WDR41: variants seen among roughly 807,000 people sequenced by gnomAD.
The protein encoded by WDR41 is WD repeat domain 41.
In WDR41, 63 loss-of-function variants were observed where a neutral mutation model predicts 69.3. The ratio of observed to expected loss-of-function variants is 0.91; its 90% CI spans 0.74 to 1.12. The LOEUF (loss-of-function observed/expected upper bound fraction) is 1.12. Ranked by LOEUF, WDR41 falls within the 50% of genes most tolerant of loss-of-function variation. WDR41 has a pLI of 0.00. For missense variants in WDR41, 543 were observed against 534.5 expected, an observed-to-expected ratio of 1.02 and a Z score of -0.16; for synonymous variants, 185 against 192.1, an observed-to-expected ratio of 0.96 and a Z score of 0.31.
chr5:77,503,463 T>A (rs1331711183), intron 1 of WDR41, among the ~76,000 whole-genome samples: 1 of 152,164 alleles, frequency 6.6e-6, no homozygotes, highest in Non-Finnish European at 1.5e-5. Flanking sequence ...ATTAGACAGA[T>A]CAACAAGACA....
At position 77,447,344 on chromosome 5, in the gene WDR41, G is replaced by C. The variant is rs979837916; in HGVS notation, c.697+2416C>G. On this transcript the variant is annotated intron_variant, in intron 8 of 12. Transcript: ENST00000296679. Reference sequence around the variant, plus strand: ...AGTGTAAATTAGTTCAACCATTGTGGAAGACAGTATGGCGATTCCTCAAGG... The same window carrying C: ...AGTGTAAATTAGTTCAACCATTGTGCAAGACAGTATGGCGATTCCTCAAGG... Among the ~76,000 whole-genome samples, 7 of 152,254 alleles carry C rather than the reference G, an allele frequency of 4.6e-5. No individual in the cohort carries two copies. In the East Asian group the frequency reaches 1.4e-3, roughly 29 times the overall value.
intron 1 of WDR41, among the ~76,000 whole-genome samples, chr5:77,566,819 G>A (rs536690794): frequency 6.6e-6 from 1 of 152,260 alleles, no homozygotes; most frequent in South Asian, 2.1e-4. Context: ...ATCAAAGTCT[G>A]TGCACATGTC....
intron 1 of WDR41, among the ~76,000 whole-genome samples, chr5:77,539,419 A>G (rs773080279): frequency 3.9e-5 from 6 of 152,166 alleles, no homozygotes; most frequent in Non-Finnish European, 7.3e-5. Flanking sequence ...GATCTTGTTA[A>G]AATGTATATT....
intron 10 of WDR41, 101 bp from the exon 11 acceptor site, chr5:77,437,525 T>C: frequency 9.8e-7 from 1 of 1,019,540 alleles, no homozygotes; most frequent in Non-Finnish European, 1.5e-6. Flanking sequence ...ACTGCTTTTA[T>C]TCAGCTCTTA....
At chr5:77,614,550 A>G (rs963998709) in intron 1 of WDR41, among the ~76,000 whole-genome samples, 2 of 151,112 alleles carry the variant, frequency 1.3e-5, no homozygotes, top group African/African-American at 4.9e-5. Context: ...GCAAGGACGA[A>G]AAACCAAACA....
At chr5:77,505,137 A>G (rs1424587212) in intron 1 of WDR41, among the ~76,000 whole-genome samples, 2 of 152,124 alleles carry the variant, frequency 1.3e-5, no homozygotes, top group South Asian at 2.1e-4. Flanking sequence ...CATCGTCTCC[A>G]CCCAAAATCT....
In WDR41 at chr5:77,452,295, G is replaced by A. The variant is rs958015879; in HGVS notation, c.524-942C>T. ...AGGCAGAGGACATGGGAGAACAGCAGGGTGGATAGCAAGAGAAGAATTCTA... is the reference window on the plus strand; with the variant it reads ...AGGCAGAGGACATGGGAGAACAGCAAGGTGGATAGCAAGAGAAGAATTCTA... On this transcript the variant is annotated intron_variant, in intron 6 of 12. Coordinates refer to ENST00000296679, the MANE Select transcript of WDR41 (RefSeq NM_018268.4). 4 of 152,374 alleles carry A rather than the reference G, an allele frequency of 2.6e-5. No homozygotes were observed. The East Asian group carries it at 7.7e-4, about 29-fold the overall frequency. 9.4% of individuals were successfully genotyped at this position (152,374 alleles called of 1,614,324 possible).
At chr5:77,599,023 T>C (rs1744277196) in intron 1 of WDR41, among the ~76,000 whole-genome samples, 2 of 152,014 alleles carry the variant, frequency 1.3e-5, no homozygotes, top group Admixed American at 6.6e-5. Flanking sequence ...ATTAGAAATA[T>C]TAGGAATAGC....
intron 5 of WDR41, among the ~76,000 whole-genome samples, chr5:77,455,315 A>G (rs1799782983): frequency 6.6e-6 from 1 of 152,052 alleles, no homozygotes; most frequent in Non-Finnish European, 1.5e-5. Flanking sequence ...AATCTTGTCT[A>G]TTTTTAATTG....
chr5:77,503,190 C>CAA (rs144057313), intron 1 of WDR41, among the ~76,000 whole-genome samples: 4,451 of 74,268 alleles, frequency 0.06, 492 homozygotes, highest in African/African-American at 0.21. Flanking sequence ...AAATGGAAAG[C>CAA]AAAAAAAAAA....
At chr5:77,519,503 T>C (rs937715995) in intron 1 of WDR41, among the ~76,000 whole-genome samples, 8 of 152,016 alleles carry the variant, frequency 5.3e-5, no homozygotes, top group African/African-American at 1.7e-4. Flanking sequence ...AAATTATCTT[T>C]AACAAAATAT....
At chr5:77,557,346 G>C (rs1477608590) in intron 1 of WDR41, among the ~76,000 whole-genome samples, 1 of 152,054 alleles carries the variant, frequency 6.6e-6, no homozygotes, top group South Asian at 2.1e-4. Context: ...CCCTAAAAAT[G>C]AGCCCCCAAA....
At chr5:77,544,198 T>C (rs1743147349) in intron 1 of WDR41, among the ~76,000 whole-genome samples, 1 of 151,960 alleles carries the variant, frequency 6.6e-6, no homozygotes, top group African/African-American at 2.4e-5. Context: ...AGAACTTCTT[T>C]AAAGCATAAA....
In WDR41 at chr5:77,512,331, T is replaced by TGAGAGAGAGAGAGAGAGAGAGA. The variant is rs764631325; in HGVS notation, c.43-22760_43-22759insTCTCTCTCTCTCTCTCTCTCTC. ...ATGGTCTGTAATTACATGGGGTGAGTGAGAGAGAGAGAGAGAGAGAGTGAG... is the reference window on the plus strand; with the variant it reads ...ATGGTCTGTAATTACATGGGGTGAGTGAGAGAGAGAGAGAGAGAGAGAGAGAGAGAGAGAGAGAGAGAGTGAG... On this transcript the variant is annotated intron_variant, in intron 1 of 5. Transcript: ENST00000509971. Among the ~76,000 whole-genome samples, 60 of 87,822 alleles carry TGAGAGAGAGAGAGAGAGAGAGA rather than the reference T, an allele frequency of 6.8e-4. 3 individuals carry two copies. The highest frequency in any genetic ancestry group is 2.6e-3 in the African/African-American group (49 of 19,210). The allele number at this position is 87,822 out of a possible 152,430, so 57.6% of individuals were successfully genotyped here.
At chr5:77,567,926 C>T (rs148264107) in intron 1 of WDR41, among the ~76,000 whole-genome samples, 36 of 151,604 alleles carry the variant, frequency 2.4e-4, no homozygotes, top group Middle Eastern at 3.4e-3. Context: ...TGTTGAAAAT[C>T]AGTGCCTAGG....
At chr5:77,551,821 T>C (rs1743301641) in intron 1 of WDR41, among the ~76,000 whole-genome samples, 1 of 148,176 alleles carries the variant, frequency 6.7e-6, no homozygotes. Context: ...CTACTAAAAA[T>C]ACAAAAACTA....
intron 1 of WDR41, among the ~76,000 whole-genome samples, chr5:77,585,886 G>T (rs1310260620): frequency 6.6e-6 from 1 of 152,112 alleles, no homozygotes; most frequent in Non-Finnish European, 1.5e-5. Flanking sequence ...TACTGCTTGG[G>T]TGATGAGTGC....
At chr5:77,593,630 A>G (rs1246201399) in intron 1 of WDR41, among the ~76,000 whole-genome samples, 1 of 152,230 alleles carries the variant, frequency 6.6e-6, no homozygotes, top group Non-Finnish European at 1.5e-5. Flanking sequence ...TCATTCATCC[A>G]TGTATAATAT....
In WDR41 at chr5:77,489,548, C is replaced by CA. The variant is rs1358758169; in HGVS notation, c.75dup (p.Glu26Ter). On this transcript the variant is annotated frameshift_variant, in exon 2 of 13. Coordinates refer to ENST00000296679, the MANE Select transcript of WDR41 (RefSeq NM_018268.4). LOFTEE classifies it high-confidence loss of function. Reference sequence around the variant, plus strand: ...GTGTAGGGATTCTGGGTTTGTTCTTCACCTATTGTCTGTAAAGGAGATTTC... The same window carrying CA: ...GTGTAGGGATTCTGGGTTTGTTCTTCAACCTATTGTCTGTAAAGGAGATTTC... 1.3e-6 allele frequency: 2 copies of CA among 1,586,986 alleles called. No homozygotes were observed. The highest frequency in any genetic ancestry group is 2.8e-5 in the African/African-American group (2 of 72,490).
Sources: allele counts gnomAD v4.1 joint callset (sites outside exome capture counted in the v4.1 genomes callset), GRCh38; gene constraint gnomAD v4.1.1; transcripts MANE v1.5; gene names NCBI Gene and HGNC (gene_info 2026-07-23, HGNC 2026-07-21).